The following TMPRSS11F variants were observed in gnomAD, a reference collection of about 807,000 sequenced individuals.
The protein encoded by TMPRSS11F is transmembrane protease serine 11F.
TMPRSS11F carries 47 observed loss-of-function variants against 60.2 expected under a neutral mutation model. That is an observed-to-expected ratio of 0.78 (90% CI 0.62 to 1.00). The LOEUF is 1.00. TMPRSS11F is among the 50% of genes least tolerant of loss of function. The probability of loss-of-function intolerance (pLI) is 0.00; values close to 1 mark genes in which losing one functional copy is unlikely to be tolerated. For missense variants in TMPRSS11F, 519 were observed against 522.9 expected (o/e 0.99, Z 0.07); for synonymous variants, 166 against 167.3 (o/e 0.99, Z 0.06).
intron 2 of TMPRSS11F, among the ~76,000 whole-genome samples, chr4:68,091,095 C>T (rs564689643): frequency 6.6e-6 from 1 of 152,190 alleles, no homozygotes; most frequent in South Asian, 2.1e-4. Flanking sequence ...TTATTGTTTT[C>T]ACCTTCTTTT....
chr4:68,067,438 A>G (rs1328479177), intron 7 of TMPRSS11F, among the ~76,000 whole-genome samples: 1 of 152,240 alleles, frequency 6.6e-6, no homozygotes. Flanking sequence ...CAATCGCCAC[A>G]GCCTGTATTC....
chr4:68,106,014 T>TAATA (rs1724296401), intron 1 of TMPRSS11F, among the ~76,000 whole-genome samples: 1 of 152,186 alleles, frequency 6.6e-6, no homozygotes, highest in Admixed American at 6.5e-5. Flanking sequence ...CTTTATCCAT[T>TAATA]AATAATTCTA....
chr4:68,087,065 G>A (rs956422233), intron 3 of TMPRSS11F, among the ~76,000 whole-genome samples: 13 of 151,952 alleles, frequency 8.6e-5, no homozygotes, highest in Admixed American at 6.6e-5. Flanking sequence ...ACAAAGATAC[G>A]TGAAAAAAGA....
At chr4:68,123,425 A>T (rs541920681) in intron 1 of TMPRSS11F, among the ~76,000 whole-genome samples, 4 of 152,334 alleles carry the variant, frequency 2.6e-5, no homozygotes, top group Admixed American at 1.3e-4. Flanking sequence ...TCTGTGAAAA[A>T]GTGAAGGTAC....
intron 1 of TMPRSS11F, among the ~76,000 whole-genome samples, chr4:68,125,358 C>CA (rs1222962551): frequency 2.7e-5 from 4 of 150,090 alleles, no homozygotes; most frequent in South Asian, 2.1e-4. Context: ...CTAAATTTTG[C>CA]AAAAAAAATA....
intron 5 of TMPRSS11F, among the ~76,000 whole-genome samples, 191 bp downstream of exon 5, chr4:68,072,132 A>G (rs1307630292): frequency 6.7e-6 from 1 of 148,694 alleles, no homozygotes; most frequent in Admixed American, 6.7e-5. Context: ...TGAAAAAAGA[A>G]AAAGTTGTAA....
At chr4:68,079,649 C>T (rs1217535240) in intron 3 of TMPRSS11F, among the ~76,000 whole-genome samples, 8 of 152,044 alleles carry the variant, frequency 5.3e-5, no homozygotes, top group Non-Finnish European at 1.5e-5. Flanking sequence ...ATCCAAACTA[C>T]AAAAACTAAT....
rs1723288225 is a variant in TMPRSS11F at position 68,064,799 on chromosome 4, T to C, written c.901A>G (p.Thr301Ala). 1 of 1,614,070 alleles carries C rather than the reference T, an allele frequency of 6.2e-7. No homozygotes were observed. Among genetic ancestry groups the C allele is most frequent in the African/African-American group, 1.3e-5 (1 of 74,932 alleles). Residue 301 changes from threonine (T) to alanine (A), a missense_variant, in exon 8 of 10, where the codon ACT (threonine) becomes GCT (alanine). Thr to Ala is a moderately conservative substitution (Grantham distance 58). Coordinates refer to ENST00000356291, the MANE Select transcript of TMPRSS11F (RefSeq NM_207407.2). ...ACTATATTTGAAAACTCAACTCCAG[T>C]AGAGAGCTGAACCAAAGCAATGTCA... is the stretch of plus-strand genomic sequence containing the variant. ...ENDIALVQLSTGVEFSNIVQR... is the reference protein window; with the variant it reads ...ENDIALVQLSAGVEFSNIVQR...
intron 1 of TMPRSS11F, among the ~76,000 whole-genome samples, chr4:68,126,606 T>C (rs1724718043): frequency 1.3e-5 from 2 of 152,258 alleles, no homozygotes. Context: ...CAGTATCTGT[T>C]CTTTGGTTTT....
intron 2 of TMPRSS11F, 23 bp downstream of exon 2, chr4:68,098,864 G>A: frequency 6.3e-7 from 1 of 1,592,994 alleles, no homozygotes; most frequent in Non-Finnish European, 8.6e-7. Flanking sequence ...CTTAGGCAAT[G>A]GAACTGTGAC....
chr4:68,083,275 C>G (rs1384519201), intron 3 of TMPRSS11F, among the ~76,000 whole-genome samples: 1 of 152,174 alleles, frequency 6.6e-6, no homozygotes, highest in East Asian at 1.9e-4. Context: ...CCTACCTGGG[C>G]ACCCCTTGAG....
intron 7 of TMPRSS11F, 110 bp downstream of exon 7, chr4:68,068,508 C>G: frequency 1.1e-6 from 1 of 878,370 alleles, no homozygotes; most frequent in Non-Finnish European, 1.8e-6. Flanking sequence ...CTAGGTCTAC[C>G]CTGAATGGAG....
intron 1 of TMPRSS11F, among the ~76,000 whole-genome samples, chr4:68,102,656 T>A (rs1034552292): frequency 7.9e-5 from 12 of 152,208 alleles, no homozygotes; most frequent in African/African-American, 2.7e-4. Flanking sequence ...GCACATTTTT[T>A]AATCAGGTTA....
chr4:68,097,764 T>A (rs1724102438), intron 2 of TMPRSS11F, among the ~76,000 whole-genome samples: 5 of 152,106 alleles, frequency 3.3e-5, no homozygotes, highest in African/African-American at 1.2e-4. Context: ...ACAAAACTAT[T>A]TCATTACCTT....
chr4:68,066,824 C>T (rs1040782067), intron 7 of TMPRSS11F, among the ~76,000 whole-genome samples: 3 of 151,274 alleles, frequency 2.0e-5, no homozygotes, highest in African/African-American at 7.3e-5. Context: ...GTCCCAGCTA[C>T]TCGGGAGGCT....
At chr4:68,082,609 G>A (rs931265085) in intron 3 of TMPRSS11F, among the ~76,000 whole-genome samples, 1 of 152,208 alleles carries the variant, frequency 6.6e-6, no homozygotes, top group South Asian at 2.1e-4. Flanking sequence ...ACTGGTTTGC[G>A]AGCATATCTG....
rs1317031841 is a variant in TMPRSS11F at position 68,081,550 on chromosome 4, T to C, written c.283-7541A>G. 2.0e-5 allele frequency among the ~76,000 whole-genome samples: 3 copies of C among 152,354 alleles called. No individual in the cohort carries two copies. The East Asian group carries it at 5.8e-4, about 29-fold the overall frequency. On this transcript the variant is annotated intron_variant, in intron 3 of 9. Transcript: ENST00000356291. The stretch of plus-strand genomic sequence containing the variant: ...TAGAAAGATTGCTTGTCCTAGGATA[T>C]GTACTTGATAAAGTATTCCTGCATT...
In TMPRSS11F at chr4:68,059,486, A is replaced by G. The variant is rs1577908470; in HGVS notation, c.1016-18T>C. On this transcript the variant is annotated intron_variant, in intron 8 of 9. Coordinates refer to ENST00000356291, the MANE Select transcript of TMPRSS11F (RefSeq NM_207407.2). ...TATAGGTCCTATTGCACAAATGGAT[A>G]AAAAAACAAATAAACAGTATTCCTC... 6.2e-7 allele frequency: 1 copy of G among 1,604,980 alleles called. No homozygotes were observed.
chr4:68,098,685 A>G (rs953122594), intron 2 of TMPRSS11F, among the ~76,000 whole-genome samples: 2 of 152,200 alleles, frequency 1.3e-5, no homozygotes, highest in Admixed American at 1.3e-4. Flanking sequence ...ACGTCTATCA[A>G]TGCCATGCTT....
Sources: gnomAD v4.1 joint callset for allele counts (sites outside exome capture counted in the v4.1 genomes callset) on GRCh38, gnomAD v4.1.1 for gene constraint, MANE v1.5 for transcripts, NCBI Gene and HGNC (gene_info 2026-07-23, HGNC 2026-07-21) for gene names.